The following NOS1 variants were observed in gnomAD, a reference collection of about 807,000 sequenced individuals.
The protein encoded by NOS1 is NOS type I.
In NOS1, 51 loss-of-function variants were observed where a neutral mutation model predicts 164.5. That is an observed-to-expected ratio of 0.31 (90% CI 0.25 to 0.39). The LOEUF (loss-of-function observed/expected upper bound fraction) is 0.39, where lower values mean the gene tolerates loss of function less well. Ranked by LOEUF, NOS1 falls within the 10% of genes least tolerant of loss-of-function variation. The pLI is 1.00. For synonymous variants in NOS1, 719 were observed against 745.8 expected, an observed-to-expected ratio of 0.96 and a Z score of 0.59; for missense variants, 1,362 against 1,885.6, an observed-to-expected ratio of 0.72 and a Z score of 5.14.
intron 2 of NOS1, among the ~76,000 whole-genome samples, chr12:117,325,814 C>T (rs959684762): frequency 3.9e-5 from 6 of 152,224 alleles, no homozygotes; most frequent in African/African-American, 1.4e-4. Flanking sequence ...GTTGTGTTTG[C>T]TGTGATTCTA....
intron 18 of NOS1, chr12:117,245,751 C>T (rs1870568823): frequency 6.6e-6 from 1 of 152,106 alleles, no homozygotes; most frequent in Admixed American, 6.6e-5. Flanking sequence ...AACCCCATCT[C>T]TACTAAAATA....
At chr12:117,342,785 G>A (rs1259080414) in intron 1 of NOS1, among the ~76,000 whole-genome samples, 1 of 152,114 alleles carries the variant, frequency 6.6e-6, no homozygotes, top group Non-Finnish European at 1.5e-5. Context: ...CTGGGTATGG[G>A]GAGCCTGGTT....
rs1156417629 is a variant in NOS1, at chr12:117,234,731, G to T, written c.3069C>A (p.His1023Gln). 1 of 1,613,254 alleles carries T rather than the reference G, an allele frequency of 6.2e-7. No homozygotes were observed. Among genetic ancestry groups the T allele is most frequent in the Non-Finnish European group, 8.5e-7 (1 of 1,179,530 alleles). The change falls in exon 21 of 29, where the codon CAC (histidine) becomes CAA (glutamine). Residue 1023 changes from histidine (H) to glutamine (Q), a missense_variant. His to Gln is a conservative substitution (Grantham distance 24). This residue lies in a region of NOS1 where 737 missense variants were observed against 1,030.3 expected (regional missense o/e 0.72). Transcript: ENST00000317775. The surrounding 1 kb of genome is among the most constrained non-coding windows in gnomAD (Gnocchi z 4.3). ...ACTGCAGCTCCTGGCTCCCGTTGGTGTGGAGACGCACGAAGATAGTTGACC... is the reference window on the plus strand; with the variant it reads ...ACTGCAGCTCCTGGCTCCCGTTGGTTTGGAGACGCACGAAGATAGTTGACC... Reference protein sequence around the residue: ...SSRSTIFVRLHTNGSQELQYQ... With the variant: ...SSRSTIFVRLQTNGSQELQYQ...
chr12:117,223,228 G>C (rs1868368987), intron 25 of NOS1, among the ~76,000 whole-genome samples: 1 of 151,678 alleles, frequency 6.6e-6, no homozygotes. Flanking sequence ...AGACGGCCTG[G>C]TTGAAATCTC....
intron 11 of NOS1, among the ~76,000 whole-genome samples, chr12:117,267,281 C>T (rs1872492606): frequency 6.6e-6 from 1 of 152,120 alleles, no homozygotes; most frequent in African/African-American, 2.4e-5. Context: ...ACTAGTGTCG[C>T]CCTCTGGCTC....
intron 11 of NOS1, among the ~76,000 whole-genome samples, chr12:117,267,187 T>C (rs1040511804): frequency 1.1e-4 from 17 of 152,206 alleles, no homozygotes; most frequent in Non-Finnish European, 1.2e-4. Flanking sequence ...ATGGTCCCTA[T>C]TATAGAGAGC....
At chr12:117,223,845 G>C (rs1036204665) in intron 25 of NOS1, among the ~76,000 whole-genome samples, 1 of 152,068 alleles carries the variant, frequency 6.6e-6, no homozygotes, top group African/African-American at 2.4e-5. Flanking sequence ...GTAGAGACAG[G>C]GTTTCACCAT....
Position 117,331,179 on chromosome 12 carries a change from G to A in NOS1, c.-110C>T. 7.3e-7 allele frequency: 1 copy of A among 1,375,002 alleles called. No individual in the cohort carries two copies. Among genetic ancestry groups the A allele is most frequent in the Non-Finnish European group, 9.9e-7 (1 of 1,012,146 alleles). 85.2% of individuals were successfully genotyped at this position (1,375,002 alleles called of 1,614,324 possible). Reference sequence around the variant, plus strand: ...AGGCTACACGGAGAGCAGGAGCCGGGGTGACAGGTGCTGACAAGGCTTCAG... The same window carrying A: ...AGGCTACACGGAGAGCAGGAGCCGGAGTGACAGGTGCTGACAAGGCTTCAG... On this transcript the variant is annotated 5_prime_UTR_variant, in exon 2 of 29. Transcript: ENST00000317775.
chr12:117,344,969 T>C (rs1454841207), intron 1 of NOS1, among the ~76,000 whole-genome samples: 2 of 151,692 alleles, frequency 1.3e-5, no homozygotes, highest in Non-Finnish European at 2.9e-5. Context: ...AGAACGAAGA[T>C]CAAACGCGGG....
chr12:117,349,298 C>T (rs1197110471), intron 1 of NOS1, among the ~76,000 whole-genome samples: 6 of 152,236 alleles, frequency 3.9e-5, no homozygotes, highest in Admixed American at 3.3e-4. Flanking sequence ...ATCAGCACTT[C>T]ATTTCTTTTA....
chr12:117,225,266 C>CACCTGGCCCCGG, intron 24 of NOS1, 129 bp from the exon 25 acceptor site: 1 of 1,224,236 alleles, frequency 8.2e-7, no homozygotes, highest in Non-Finnish European at 1.1e-6. Context: ...TCAGCCGGGG[C>CACCTGGCCCCGG]CAGGTGCCCC....
In NOS1 at chr12:117,272,115, C is replaced by T. The variant is rs1872830687; in HGVS notation, c.1839+270G>A. 6.6e-6 allele frequency among the ~76,000 whole-genome samples: 1 copy of T among 152,176 alleles called. No individual in the cohort carries two copies. Among genetic ancestry groups the T allele is most frequent in the Non-Finnish European group, 1.5e-5 (1 of 68,036 alleles). On this transcript the variant is annotated intron_variant, in intron 10 of 28. Coordinates refer to ENST00000317775, the MANE Select transcript of NOS1 (RefSeq NM_000620.5). The surrounding 1 kb of genome is among the most constrained non-coding windows in gnomAD (Gnocchi z 4.3). ...AGGGGGATTCTCATACCTCAAGGTT[C>T]AGGTGAGGATGAAATGAGAATGGAA...
intron 12 of NOS1, among the ~76,000 whole-genome samples, chr12:117,264,473 CTTTCTTTCCTTTCTTTCT>C (rs1872208470): frequency 6.6e-6 from 1 of 151,486 alleles, no homozygotes; most frequent in Non-Finnish European, 1.5e-5. Context: ...TATTTTCTTT[CTTTCTTTCCTTTCTTTCT>C]CTTTCTTTCT....
At chr12:117,271,059 A>AAAAG (rs912274891) in intron 10 of NOS1, among the ~76,000 whole-genome samples, 1 of 151,972 alleles carries the variant, frequency 6.6e-6, no homozygotes, top group African/African-American at 2.4e-5. Context: ...CACCCCTCCA[A>AAAAG]AAAGAAAGAA....
chr12:117,319,261 C>T (rs1037538652), intron 2 of NOS1, among the ~76,000 whole-genome samples: 12 of 152,112 alleles, frequency 7.9e-5, no homozygotes, highest in Non-Finnish European at 1.3e-4. Flanking sequence ...CTCTGTTGCC[C>T]AGGCTGGTTT....
intron 28 of NOS1, among the ~76,000 whole-genome samples, chr12:117,217,782 G>A (rs1489391609): frequency 6.6e-6 from 1 of 152,008 alleles, no homozygotes; most frequent in Non-Finnish European, 1.5e-5. Context: ...GGCCCCCAAA[G>A]CAGGCATTTC....
intron 1 of NOS1, among the ~76,000 whole-genome samples, chr12:117,352,411 C>G (rs909694816): frequency 6.6e-6 from 1 of 152,136 alleles, no homozygotes; most frequent in Admixed American, 6.5e-5. Context: ...ACTTTGGAAG[C>G]TATTCCAGGA....
intron 16 of NOS1, among the ~76,000 whole-genome samples, chr12:117,256,789 T>G (rs1871493723): frequency 6.6e-6 from 1 of 151,764 alleles, no homozygotes; most frequent in Non-Finnish European, 1.5e-5. Flanking sequence ...AAAATTTTTT[T>G]GTCATGGTGC....
chr12:117,269,464 G>GTTTT (rs1164630635), intron 10 of NOS1, among the ~76,000 whole-genome samples: 46 of 118,384 alleles, frequency 3.9e-4, no homozygotes, highest in South Asian at 1.0e-3. Context: ...CTGGAGATTT[G>GTTTT]TTTTTTTTTT....
Sources: allele counts gnomAD v4.1 joint callset (sites outside exome capture counted in the v4.1 genomes callset), GRCh38; gene constraint gnomAD v4.1.1; regional missense constraint gnomAD v4.1.1; non-coding constraint Gnocchi (gnomAD v3.1); transcripts MANE v1.5; gene names NCBI Gene and HGNC (gene_info 2026-07-23, HGNC 2026-07-21).